DPF3: variants seen among roughly 807,000 people sequenced by gnomAD.
The protein encoded by DPF3 is double PHD fingers 3.
A neutral mutation model predicts 56.8 loss-of-function variants in DPF3; 18 were observed. The ratio of observed to expected loss-of-function variants is 0.32; its 90% CI spans 0.22 to 0.47. The LOEUF is 0.47. Among genes scored for constraint, DPF3 ranks in the 20% least tolerant of loss-of-function variants. The pLI is 1.00. For synonymous variants in DPF3, 188 were observed against 180.2 expected, an observed-to-expected ratio of 1.04 and a Z score of -0.35; for missense variants, 403 against 488.8, an observed-to-expected ratio of 0.82 and a Z score of 1.65.
At position 72,612,740 on chromosome 14, in the gene DPF3, C is replaced by G; in HGVS notation, c.*6557G>C. On this transcript the variant is annotated 3_prime_UTR_variant, in exon 11 of 11. Coordinates refer to ENST00000556509, the MANE Select transcript of DPF3 (RefSeq NM_001280542.3). ...AGCAGAATTGAGACTTTTGAAGTAC[C>G]CAACTATTGCCAAATATCTTTCATG... 1 of 391,718 alleles carries G rather than the reference C, an allele frequency of 2.6e-6. No homozygotes were observed. Among genetic ancestry groups the G allele is most frequent in the Admixed American group, 3.1e-5 (1 of 32,252 alleles). The allele number at this position is 391,718 out of a possible 1,614,324, so 24.3% of individuals were successfully genotyped here.
chr14:72,892,323 A>C, intron 1 of DPF3: 1 of 1,535,452 alleles, frequency 6.5e-7, no homozygotes, highest in South Asian at 1.2e-5. Context: ...AGTTACGCCC[A>C]TTTATTCTGC....
chr14:72,771,785 C>G lies in DPF3; in HGVS notation c.141G>C (p.Gly47=), dbSNP rs773391332. The G allele has an allele frequency of 3.1e-5, 50 of 1,613,692 alleles. No homozygotes were observed. The highest frequency in any genetic ancestry group is 4.0e-5 in the African/African-American group (3 of 74,894). Residue 47 remains glycine, a synonymous_variant, in exon 2 of 11, where the codon GGG becomes GGC. Transcript: ENST00000556509. The part of the protein sequence containing the change: ...VRLPFLDSQT[G]VAQNNCYIWM... ...AGATGTAGCAGTTGTTCTGGGCCACCCCAGTCTGTGAGTCCAGGAAGGGAA... is the reference window on the plus strand; with the variant it reads ...AGATGTAGCAGTTGTTCTGGGCCACGCCAGTCTGTGAGTCCAGGAAGGGAA...
At chr14:72,893,388 G>C (rs1319969876) in intron 1 of DPF3, among the ~76,000 whole-genome samples, 5 of 152,190 alleles carry the variant, frequency 3.3e-5, no homozygotes, top group South Asian at 2.1e-4. Context: ...CGATCGCCCG[G>C]AGCGCCTCCG....
chr14:72,720,266 G>A (rs905426096), intron 5 of DPF3, among the ~76,000 whole-genome samples: 1 of 152,184 alleles, frequency 6.6e-6, no homozygotes, highest in Non-Finnish European at 1.5e-5. Flanking sequence ...ACCCGGACAA[G>A]AGGATCGCTT....
At chr14:72,818,250 A>C (rs539839922) in intron 1 of DPF3, among the ~76,000 whole-genome samples, 1 of 152,300 alleles carries the variant, frequency 6.6e-6, no homozygotes, top group Non-Finnish European at 1.5e-5. Context: ...CAAAAAAAAA[A>C]ACAAACTTCC....
chr14:72,759,584 GGGAA>G (rs36112242), intron 2 of DPF3, among the ~76,000 whole-genome samples: 6 of 149,790 alleles, frequency 4.0e-5, no homozygotes, highest in Non-Finnish European at 7.4e-5. Context: ...AGGGAAGAAA[GGGAA>G]GGAAGGAAGG....
chr14:72,727,668 T>C lies in DPF3; in HGVS notation c.430-3940A>G, dbSNP rs80055129. The stretch of plus-strand genomic sequence containing the variant: ...TGTTCTCATGGATTTTATCCTAAAA[T>C]GCACTTATTTTATTTGTATTCCTTG... On this transcript the variant is annotated intron_variant, in intron 4 of 10. Transcript: ENST00000556509. Among the ~76,000 whole-genome samples the C allele has an allele frequency of 1.0e-2, 1,522 of 152,226 alleles. 18 individuals carry two copies. Among genetic ancestry groups the C allele is most frequent in the African/African-American group, 0.034 (1,402 of 41,526 alleles).
chr14:72,712,948 C>T (rs957549989), intron 6 of DPF3, among the ~76,000 whole-genome samples: 4 of 152,266 alleles, frequency 2.6e-5, no homozygotes, highest in African/African-American at 9.6e-5. Context: ...CAGTTGTTGG[C>T]ATTCTTGATA....
intron 8 of DPF3, chr14:72,671,469 C>T (rs1290243270): frequency 7.8e-7 from 1 of 1,275,506 alleles, no homozygotes; most frequent in South Asian, 1.2e-5. Flanking sequence ...AAGGGATTAA[C>T]CCGGTGCATC....
At chr14:72,774,877 G>A (rs761706685) in intron 1 of DPF3, among the ~76,000 whole-genome samples, 1 of 152,208 alleles carries the variant, frequency 6.6e-6, no homozygotes, top group Non-Finnish European at 1.5e-5. Flanking sequence ...TCATGAGATT[G>A]ATCAAAAATA....
At chr14:72,753,930 T>C (rs114871903) in intron 2 of DPF3, among the ~76,000 whole-genome samples, 1,646 of 151,156 alleles carry the variant, frequency 0.011, 28 homozygotes, top group African/African-American at 0.038. Flanking sequence ...CATGAGAACA[T>C]AAACCCACTC....
At chr14:72,684,985 G>C (rs1377846657) in intron 7 of DPF3, among the ~76,000 whole-genome samples, 1 of 152,172 alleles carries the variant, frequency 6.6e-6, no homozygotes, top group Non-Finnish European at 1.5e-5. Context: ...TGAGAAAGCA[G>C]CTATCTGCAA....
In DPF3 at chr14:72,614,777, GAA is replaced by G. The variant is rs757694376; in HGVS notation, c.*4518_*4519del. On this transcript the variant is annotated 3_prime_UTR_variant, in exon 11 of 11. Coordinates refer to ENST00000556509, the MANE Select transcript of DPF3 (RefSeq NM_001280542.3). ...CTGTTGCCCAGGATCACAAGCCTCA[GAA>G]AAAAAAAAAAGAGTTACAATCACTG... 2.1e-5 allele frequency among the ~76,000 whole-genome samples: 2 copies of G among 96,062 alleles called. No homozygotes were observed. Among genetic ancestry groups the G allele is most frequent in the African/African-American group, 4.7e-5 (1 of 21,414 alleles). The allele number at this position is 96,062 out of a possible 152,430, so 63.0% of individuals were successfully genotyped here.
intron 9 of DPF3, among the ~76,000 whole-genome samples, chr14:72,620,829 T>A (rs1884386261): frequency 6.6e-6 from 1 of 152,258 alleles, no homozygotes; most frequent in Non-Finnish European, 1.5e-5. Flanking sequence ...GCCTGGCATG[T>A]GGTAGACATC....
At chr14:72,679,518 T>C (rs1887063888) in intron 7 of DPF3, among the ~76,000 whole-genome samples, 1 of 151,536 alleles carries the variant, frequency 6.6e-6, no homozygotes, top group Admixed American at 6.6e-5. Context: ...GAAGTTGGGG[T>C]GCACAGCCCT....
rs1287729988 is a variant in DPF3 at position 72,693,080 on chromosome 14, G to C, written c.738C>G (p.His246Gln). 6.2e-7 allele frequency: 1 copy of C among 1,613,922 alleles called. No individual in the cohort carries two copies. The highest frequency in any genetic ancestry group is 8.5e-7 in the Non-Finnish European group (1 of 1,179,910). The change falls in exon 7 of 11, where the codon CAC (histidine) becomes CAG (glutamine). Residue 246 changes from histidine (H) to glutamine (Q), a missense_variant. By Grantham distance (24) the His-to-Gln change is conservative (BLOSUM62 0). Coordinates refer to ENST00000556509, the MANE Select transcript of DPF3 (RefSeq NM_001280542.3). ...RSPPNHRNEN[H>Q]RPQKGPDGTV... ...ACCTAACAAGTAGGCACTCACGCCT[G>C]TGGTTCTCATTTCTGTGGTTGGGTG...
At chr14:72,836,023 C>A in intron 1 of DPF3, 2 of 985,038 alleles carry the variant, frequency 2.0e-6, no homozygotes, top group Non-Finnish European at 2.4e-6. Flanking sequence ...CAGCCGTCAC[C>A]ACACGGGTGC....
intron 8 of DPF3, among the ~76,000 whole-genome samples, chr14:72,645,499 T>C (rs554732123): frequency 6.6e-6 from 1 of 152,244 alleles, no homozygotes; most frequent in South Asian, 2.1e-4. Flanking sequence ...TTTTAAATTT[T>C]ATATAGAGAT....
intron 8 of DPF3, among the ~76,000 whole-genome samples, chr14:72,632,823 AAGGGGAGGGGAAAGGGAG>A (rs1383929405): frequency 1.1e-5 from 1 of 92,032 alleles, no homozygotes; most frequent in Admixed American, 1.4e-4. Flanking sequence ...AAGGGAGGGG[AAGGGGAGGGGAAAGGGAG>A]AGGGGAGGGG....
Sources: gnomAD v4.1 joint callset for allele counts (sites outside exome capture counted in the v4.1 genomes callset) on GRCh38, gnomAD v4.1.1 for gene constraint, MANE v1.5 for transcripts, NCBI Gene and HGNC (gene_info 2026-07-23, HGNC 2026-07-21) for gene names.